RABGAP1: variants seen among roughly 807,000 people sequenced by gnomAD.
RABGAP1 encodes the protein RAB GTPase activating protein 1.
A neutral mutation model predicts 137.6 loss-of-function variants in RABGAP1; 23 were observed. The ratio of observed to expected loss-of-function variants is 0.17; its 90% CI spans 0.12 to 0.24. The LOEUF (loss-of-function observed/expected upper bound fraction) is 0.24, where lower values mean the gene tolerates loss of function less well. RABGAP1 is among the 10% of genes least tolerant of loss of function. The pLI is 1.00. For missense variants in RABGAP1, 906 were observed against 1,275.8 expected (o/e 0.71, Z 4.42); for synonymous variants, 451 against 450.7 (o/e 1.00, Z -0.01).
chr9:123,075,945 G>T (rs1460756570), intron 17 of RABGAP1, among the ~76,000 whole-genome samples: 1 of 152,200 alleles, frequency 6.6e-6, no homozygotes, highest in Non-Finnish European at 1.5e-5. Context: ...TTTCCTGAGA[G>T]ATCACAACTT....
At chr9:123,057,100 G>T (rs532726278) in intron 13 of RABGAP1, among the ~76,000 whole-genome samples, 146 of 148,802 alleles carry the variant, frequency 9.8e-4, no homozygotes, top group Admixed American at 2.4e-3. Context: ...TGGCCGGGCG[G>T]GGGGCTGACC....
intron 2 of RABGAP1, among the ~76,000 whole-genome samples, chr9:122,966,598 A>G (rs1588181476): frequency 6.6e-6 from 1 of 151,746 alleles, no homozygotes; most frequent in East Asian, 1.9e-4. Context: ...TATTGAAGAG[A>G]CAAGTGATAA....
At chr9:122,949,693 C>CAAA (rs60115483) in intron 1 of RABGAP1, among the ~76,000 whole-genome samples, 7,819 of 54,666 alleles carry the variant, frequency 0.14, 1,277 homozygotes, top group African/African-American at 0.42. Context: ...GACTCTGTCT[C>CAAA]AAAAAAAAAA....
chr9:123,094,451 T>C (rs783202), intron 21 of RABGAP1, among the ~76,000 whole-genome samples: 122,271 of 152,154 alleles, frequency 0.8, 50,332 homozygotes, highest in Middle Eastern at 0.9. Flanking sequence ...TCATTTGGTA[T>C]TTCTCCTTAA....
At chr9:122,998,492 T>G in intron 9 of RABGAP1, 105 bp from the exon 10 acceptor site, 2 of 951,076 alleles carry the variant, frequency 2.1e-6, no homozygotes, top group Non-Finnish European at 3.1e-6. Flanking sequence ...TCACTTAAGG[T>G]ATTTTGAAAG....
intron 19 of RABGAP1, among the ~76,000 whole-genome samples, chr9:123,081,128 C>T (rs560587571): frequency 5.7e-4 from 87 of 152,082 alleles, no homozygotes; most frequent in South Asian, 6.2e-4. Flanking sequence ...CTCTTCCTTA[C>T]GATTTTCTTA....
intron 11 of RABGAP1, among the ~76,000 whole-genome samples, chr9:123,011,131 A>G (rs949126314): frequency 3.3e-5 from 5 of 152,060 alleles, no homozygotes; most frequent in Non-Finnish European, 4.4e-5. Flanking sequence ...GTCGTTTTCT[A>G]ATTTCTAACT....
At chr9:123,099,353 C>G in intron 23 of RABGAP1, 125 bp from the exon 24 acceptor site, 1 of 864,608 alleles carries the variant, frequency 1.2e-6, no homozygotes, top group Non-Finnish European at 1.8e-6. Context: ...ATATCCCCTC[C>G]TGAGCGGTAG....
chr9:122,985,137 A>G (rs1836300097), intron 3 of RABGAP1, among the ~76,000 whole-genome samples: 1 of 152,202 alleles, frequency 6.6e-6, no homozygotes, highest in South Asian at 2.1e-4. Flanking sequence ...AAAAAGGAAG[A>G]CTAGAACATG....
chr9:123,012,656 T>TA (rs2030905134), intron 11 of RABGAP1, among the ~76,000 whole-genome samples: 1 of 152,240 alleles, frequency 6.6e-6, no homozygotes, highest in South Asian at 2.1e-4. Flanking sequence ...CATGGAACAC[T>TA]AGAACATAAG....
chr9:123,080,612 C>T (rs886872965), intron 19 of RABGAP1, among the ~76,000 whole-genome samples: 1 of 152,132 alleles, frequency 6.6e-6, no homozygotes, highest in Non-Finnish European at 1.5e-5. Context: ...AAGTCATTGG[C>T]AAGTGCATCC....
intron 13 of RABGAP1, among the ~76,000 whole-genome samples, chr9:123,036,135 A>G (rs2032646646): frequency 6.6e-6 from 1 of 152,260 alleles, no homozygotes; most frequent in Non-Finnish European, 1.5e-5. Context: ...GCAAGTTTCA[A>G]CACTGTCATT....
rs2035430929 is a variant in RABGAP1, at chr9:123,104,131, C to T, written c.*918C>T. On this transcript the variant is annotated 3_prime_UTR_variant, in exon 26 of 26. Transcript: ENST00000373647. ...TTAATTTCACTCAAGGTTCATTGGGCTCTGCTCTCCTCCCTGCCATTACGG... is the reference window on the plus strand; with the variant it reads ...TTAATTTCACTCAAGGTTCATTGGGTTCTGCTCTCCTCCCTGCCATTACGG... The T allele has an allele frequency of 6.6e-6, 1 of 152,548 alleles. No individual in the cohort carries two copies. Among genetic ancestry groups the T allele is most frequent in the Non-Finnish European group, 1.5e-5 (1 of 68,038 alleles). 9.4% of individuals were successfully genotyped at this position (152,548 alleles called of 1,614,324 possible). A position where few individuals can be genotyped will look rare whatever the true frequency, so the allele number is the denominator to read the frequency against.
Position 122,997,313 on chromosome 9 carries a change from A to C in RABGAP1, c.1156A>C (p.Asn386His). 6.2e-7 allele frequency: 1 copy of C among 1,612,170 alleles called. No homozygotes were observed. Among genetic ancestry groups the C allele is most frequent in the Non-Finnish European group, 8.5e-7 (1 of 1,179,142 alleles). Residue 386 changes from asparagine to histidine, a missense_variant, in exon 9 of 26, where the codon AAT (asparagine) becomes CAT (histidine). Transcript: ENST00000373647. The stretch of plus-strand genomic sequence containing the variant: ...GTCGTATGTTATTACGGGGAGCTGG[A>C]ATCCAAAATCCCCACATTTTCAAGT... Reference protein sequence around the residue: ...GKSYVITGSWNPKSPHFQVVN... With the variant: ...GKSYVITGSWHPKSPHFQVVN...
At chr9:122,975,944 G>A (rs917428200) in intron 2 of RABGAP1, among the ~76,000 whole-genome samples, 2 of 152,164 alleles carry the variant, frequency 1.3e-5, no homozygotes, top group African/African-American at 4.8e-5. Context: ...TGTCTTACTT[G>A]GGAGTCCAAG....
intron 14 of RABGAP1, among the ~76,000 whole-genome samples, chr9:123,068,195 C>T (rs1005042222): frequency 6.6e-6 from 1 of 151,802 alleles, no homozygotes; most frequent in Non-Finnish European, 1.5e-5. Context: ...ACTAAAAATA[C>T]AAAAATTAGC....
At chr9:123,064,784 C>G (rs1045838029) in intron 13 of RABGAP1, among the ~76,000 whole-genome samples, 1 of 152,202 alleles carries the variant, frequency 6.6e-6, no homozygotes, top group African/African-American at 2.4e-5. Flanking sequence ...TTGGAAAAAG[C>G]AAAGGATATT....
At chr9:123,001,050 A>G (rs931644486) in intron 10 of RABGAP1, among the ~76,000 whole-genome samples, 4 of 151,400 alleles carry the variant, frequency 2.6e-5, no homozygotes, top group Admixed American at 6.6e-5. Flanking sequence ...GGGTTTCACT[A>G]TGTTGGCCAG....
At position 123,103,200 on chromosome 9, in the gene RABGAP1, A is replaced by G. The variant is rs2035393013; in HGVS notation, c.3197A>G (p.Lys1066Arg). ...AAGACAGCAACCGGGGTTCAAGGGA[A>G]AGAGACTTGCTGAGAGCAGCTGCCG... ...SIKTATGVQG[K>R]ETC Residue 1066 changes from lysine to arginine, a missense_variant, in exon 26 of 26, where the codon AAA (lysine) becomes AGA (arginine). Lys to Arg is a conservative substitution (Grantham distance 26, BLOSUM62 2). Transcript: ENST00000373647. 1.2e-6 allele frequency: 2 copies of G among 1,613,946 alleles called. No homozygotes were observed. The highest frequency in any genetic ancestry group is 2.2e-5 in the East Asian group (1 of 44,882).
Sources: gnomAD v4.1 joint callset for allele counts (sites outside exome capture counted in the v4.1 genomes callset) on GRCh38, gnomAD v4.1.1 for gene constraint, MANE v1.5 for transcripts, NCBI Gene and HGNC (gene_info 2026-07-23, HGNC 2026-07-21) for gene names.